Variants in ZEB1 observed in about 807,000 individuals in gnomAD.
The protein encoded by ZEB1 is zinc finger E-box-binding homeobox 1.
A neutral mutation model predicts 84.9 loss-of-function variants in ZEB1; 21 were observed. The ratio of observed to expected loss-of-function variants is 0.25; its 90% CI spans 0.18 to 0.36. The LOEUF (loss-of-function observed/expected upper bound fraction) is 0.36, where lower values mean the gene tolerates loss of function less well. Ranked by LOEUF, ZEB1 falls within the 10% of genes least tolerant of loss-of-function variation. ZEB1 has a pLI of 1.00. For missense variants in ZEB1, 1,104 were observed against 1,330.2 expected, an observed-to-expected ratio of 0.83 and a Z score of 2.65; for synonymous variants, 420 against 471.1, an observed-to-expected ratio of 0.89 and a Z score of 1.41.
At chr10:31,319,324 A>G (rs1166854454) in intron 1 of ZEB1, 32 bp downstream of exon 1, 3 of 1,591,020 alleles carry the variant, frequency 1.9e-6, no homozygotes, top group South Asian at 1.1e-5. Flanking sequence ...GGAGCGGCGG[A>G]GTCAGGGGGA....
intron 1 of ZEB1, among the ~76,000 whole-genome samples, chr10:31,346,601 T>C (rs916979709): frequency 2.0e-5 from 3 of 152,080 alleles, no homozygotes; most frequent in Non-Finnish European, 2.9e-5. Flanking sequence ...AGCCATCTAA[T>C]GTCCTTTTCT....
At chr10:31,348,748 C>CA (rs781324912) in intron 1 of ZEB1, among the ~76,000 whole-genome samples, 16 of 148,520 alleles carry the variant, frequency 1.1e-4, no homozygotes, top group South Asian at 8.5e-4. Flanking sequence ...TGACTCAAGC[C>CA]AAAAAAAAAG....
chr10:31,417,358 A>G (rs2055390001), intron 1 of ZEB1, among the ~76,000 whole-genome samples: 1 of 152,114 alleles, frequency 6.6e-6, no homozygotes, highest in South Asian at 2.1e-4. Flanking sequence ...AATCATAGCT[A>G]AAACTACCCT....
chr10:31,463,325 T>C (rs1282962540), intron 2 of ZEB1, among the ~76,000 whole-genome samples: 1 of 152,092 alleles, frequency 6.6e-6, no homozygotes, highest in Non-Finnish European at 1.5e-5. Context: ...TGGTGCTAGA[T>C]TAAAAACAAA....
chr10:31,402,760 G>A (rs889556999), intron 1 of ZEB1, among the ~76,000 whole-genome samples: 6 of 152,008 alleles, frequency 3.9e-5, no homozygotes, highest in African/African-American at 1.5e-4. Context: ...GTCTGTTGGA[G>A]ATTAAACTTT....
intron 4 of ZEB1, among the ~76,000 whole-genome samples, chr10:31,507,123 GT>G (rs555987752): frequency 1.7e-4 from 26 of 152,106 alleles, no homozygotes; most frequent in Non-Finnish European, 2.5e-4. Context: ...GGCTGGCAGG[GT>G]TTTTTTCTTT....
intron 1 of ZEB1, 77 bp downstream of exon 1, chr10:31,319,369 G>T (rs2033046257): frequency 6.8e-7 from 1 of 1,466,858 alleles, no homozygotes; most frequent in East Asian, 2.3e-5. Context: ...GGGTGAGGGG[G>T]GCGAGCCGGG....
intron 3 of ZEB1, among the ~76,000 whole-genome samples, chr10:31,496,639 G>A (rs953439291): frequency 5.3e-5 from 8 of 151,958 alleles, no homozygotes; most frequent in Admixed American, 4.6e-4. Context: ...ATACTTAAAC[G>A]TAGTGTAATT....
At chr10:31,462,790 A>G (rs1368548920) in intron 2 of ZEB1, among the ~76,000 whole-genome samples, 1 of 152,186 alleles carries the variant, frequency 6.6e-6, no homozygotes, top group Non-Finnish European at 1.5e-5. Context: ...ATATGGAAAA[A>G]GAATTTTAGA....
intron 1 of ZEB1, among the ~76,000 whole-genome samples, chr10:31,421,500 A>T (rs571736233): frequency 1.5e-4 from 23 of 152,254 alleles, no homozygotes; most frequent in African/African-American, 5.1e-4. Context: ...GTCTGCTGCT[A>T]ATTTAAGGAT....
chr10:31,512,818 G>C (rs2070340491), intron 5 of ZEB1, among the ~76,000 whole-genome samples: 1 of 152,124 alleles, frequency 6.6e-6, no homozygotes, highest in African/African-American at 2.4e-5. Context: ...CTGAGAATGG[G>C]ATATCTGAAT....
intron 2 of ZEB1, among the ~76,000 whole-genome samples, chr10:31,472,267 C>G (rs892385411): frequency 1.3e-5 from 2 of 152,016 alleles, no homozygotes; most frequent in African/African-American, 4.8e-5. Context: ...ATTAATTAAT[C>G]CCAGAGCTGG....
At chr10:31,443,370 T>G (rs1217251682) in intron 1 of ZEB1, among the ~76,000 whole-genome samples, 1 of 152,156 alleles carries the variant, frequency 6.6e-6, no homozygotes, top group Non-Finnish European at 1.5e-5. Flanking sequence ...TATAATGGCC[T>G]TCTTATTCCA....
rs750743692 is a variant in ZEB1 at position 31,520,431 on chromosome 10, T to C, written c.1099T>C (p.Cys367Arg). The change falls in exon 7 of 9, where the codon TGT becomes CGT. Residue 367 changes from cysteine to arginine, a missense_variant. Cys to Arg is a radical substitution (Grantham distance 180). Around this residue, in one of 7 missense-constraint regions of ZEB1, gnomAD observed 111 missense variants for 161.8 expected, o/e 0.69. Coordinates refer to ENST00000424869, the MANE Select transcript of ZEB1 (RefSeq NM_001174096.2). This position sits in a 1 kb window ranked among gnomAD's most constrained non-coding sequence, Gnocchi z 5.1. Reference protein sequence around the residue: ...KPIVVASGINCSTPLQNGVFT... With the variant: ...KPIVVASGINRSTPLQNGVFT... ...CATAGTGGTTGCTTCAGGAATCAACTGTTCAACCCCTTTACAAAATGGGGT... is the reference window on the plus strand; with the variant it reads ...CATAGTGGTTGCTTCAGGAATCAACCGTTCAACCCCTTTACAAAATGGGGT... The C allele has an allele frequency of 1.2e-6, 2 of 1,613,908 alleles. No individual in the cohort carries two copies. The highest frequency in any genetic ancestry group is 1.7e-6 in the Non-Finnish European group (2 of 1,179,974).
chr10:31,449,119 G>A (rs545722163), intron 1 of ZEB1, among the ~76,000 whole-genome samples: 3 of 152,224 alleles, frequency 2.0e-5, no homozygotes, highest in Admixed American at 6.5e-5. Flanking sequence ...CTCATGGTGC[G>A]CCATTTTTTA....
chr10:31,527,870 TC>T lies in ZEB1; in HGVS notation c.*607del, dbSNP rs1282732899. 1 of 153,342 alleles carries T rather than the reference TC, an allele frequency of 6.5e-6. No homozygotes were observed. The highest frequency in any genetic ancestry group is 2.4e-5 in the African/African-American group (1 of 41,454). 9.5% of individuals were successfully genotyped at this position (153,342 alleles called of 1,614,324 possible). On this transcript the variant is annotated 3_prime_UTR_variant, in exon 9 of 9. Coordinates refer to ENST00000424869, the MANE Select transcript of ZEB1 (RefSeq NM_001174096.2). ...GGTAGTAATTTCTAATATTTAGATG[TC>T]TTAGTAGAGCGTATTATCATTTAAA...
chr10:31,442,990 T>C (rs775010738), intron 1 of ZEB1, among the ~76,000 whole-genome samples: 17 of 152,094 alleles, frequency 1.1e-4, no homozygotes, highest in Non-Finnish European at 2.4e-4. Context: ...GACTGAGATA[T>C]AGAATTAGGA....
intron 1 of ZEB1, among the ~76,000 whole-genome samples, chr10:31,401,745 C>T (rs372783390): frequency 1.2e-3 from 180 of 152,204 alleles, no homozygotes; most frequent in African/African-American, 4.2e-3. Context: ...ATTTTAACAT[C>T]GTGCTAGGTT....
chr10:31,367,106 T>C (rs2044669078), intron 1 of ZEB1, among the ~76,000 whole-genome samples: 1 of 152,140 alleles, frequency 6.6e-6, no homozygotes, highest in African/African-American at 2.4e-5. Flanking sequence ...AGTAGTAGGG[T>C]CATTGGAAAG....
Sources: gnomAD v4.1 joint callset for allele counts (sites outside exome capture counted in the v4.1 genomes callset) on GRCh38, gnomAD v4.1.1 for gene constraint, gnomAD v4.1.1 regional missense constraint, Gnocchi (gnomAD v3.1) non-coding constraint, MANE v1.5 for transcripts, NCBI Gene and HGNC (gene_info 2026-07-23, HGNC 2026-07-21) for gene names.